Variants in LRP12 observed in about 807,000 individuals in gnomAD.
LRP12 encodes the protein low-density lipoprotein receptor-related protein 12.
LRP12 carries 14 observed loss-of-function variants against 66.0 expected under a neutral mutation model. That is an observed-to-expected ratio of 0.21 (90% confidence interval 0.14 to 0.33). The LOEUF is 0.33. Among genes scored for constraint, LRP12 ranks in the 10% least tolerant of loss-of-function variants. LRP12 has a pLI of 1.00. For missense variants in LRP12, 889 were observed against 1,053.4 expected, an observed-to-expected ratio of 0.84 and a Z score of 2.16; for synonymous variants, 357 against 359.1, an observed-to-expected ratio of 0.99 and a Z score of 0.07.
In LRP12 at chr8:104,576,368, G is replaced by GA. The variant is rs1366604033; in HGVS notation, c.79+12450dup. Among the ~76,000 whole-genome samples, 12 of 152,126 alleles carry GA rather than the reference G, an allele frequency of 7.9e-5. No individual in the cohort carries two copies. The East Asian group carries it at 2.3e-3, about 29-fold the overall frequency. ...AAAAAATATTAAAGGTAGCTAGAGA[G>GA]AAAAAGCAGGTCACCTACAAAGGGA... On this transcript the variant is annotated intron_variant, in intron 1 of 6. Transcript: ENST00000276654.
intron 5 of LRP12, chr8:104,495,412 G>A: frequency 2.1e-6 from 1 of 485,992 alleles, no homozygotes; most frequent in Non-Finnish European, 3.6e-6. Context: ...GTCTTCATAG[G>A]GCTTTATGCT....
intron 2 of LRP12, among the ~76,000 whole-genome samples, chr8:104,517,314 A>G (rs966852446): frequency 3.3e-5 from 5 of 151,700 alleles, no homozygotes; most frequent in African/African-American, 1.2e-4. Flanking sequence ...CCTATATTAT[A>G]CAAGTATAGA....
intron 1 of LRP12, among the ~76,000 whole-genome samples, chr8:104,587,399 A>G (rs372116186): frequency 6.6e-6 from 1 of 152,180 alleles, no homozygotes; most frequent in Non-Finnish European, 1.5e-5. Context: ...CAGGGATTAC[A>G]GCCACTTGAT....
At chr8:104,521,471 A>G (rs1270120772) in intron 2 of LRP12, among the ~76,000 whole-genome samples, 2 of 151,468 alleles carry the variant, frequency 1.3e-5, no homozygotes, top group Non-Finnish European at 3.0e-5. Flanking sequence ...AGTATATAAT[A>G]TAGAAATAAT....
chr8:104,574,942 C>T (rs1588510336), intron 1 of LRP12, among the ~76,000 whole-genome samples: 2 of 152,040 alleles, frequency 1.3e-5, no homozygotes, highest in African/African-American at 2.4e-5. Context: ...GGAAGACTCC[C>T]CAAAGGAGGC....
At chr8:104,559,764 G>A (rs1340029496) in intron 1 of LRP12, among the ~76,000 whole-genome samples, 3 of 151,608 alleles carry the variant, frequency 2.0e-5, no homozygotes, top group East Asian at 1.9e-4. Flanking sequence ...CATAATTCTT[G>A]TTAATCATAC....
At chr8:104,564,071 A>G (rs1298945911) in intron 1 of LRP12, among the ~76,000 whole-genome samples, 2 of 152,168 alleles carry the variant, frequency 1.3e-5, no homozygotes, top group Non-Finnish European at 2.9e-5. Flanking sequence ...TTCAGATACT[A>G]TACTATATTG....
chr8:104,532,373 T>TA lies in LRP12; in HGVS notation c.80-411dup, dbSNP rs34023849. The stretch of plus-strand genomic sequence containing the variant: ...TGTCAGGGCCACATATGTTGGTACT[T>TA]AAAAAAAAAAAAAAAAAGTCTTGCA... On this transcript the variant is annotated intron_variant, in intron 1 of 6. Transcript: ENST00000276654. 6.4e-3 allele frequency among the ~76,000 whole-genome samples: 838 copies of TA among 131,100 alleles called. 7 individuals carry two copies. Among genetic ancestry groups the TA allele is most frequent in the African/African-American group, 0.018 (659 of 35,804 alleles). The allele number at this position is 131,100 out of a possible 152,430, so 86.0% of individuals were successfully genotyped here. A position where few individuals can be genotyped will look rare whatever the true frequency, so the allele number is the denominator to read the frequency against.
chr8:104,497,660 T>A lies in LRP12; in HGVS notation c.892A>T (p.Ile298Phe). Residue 298 changes from isoleucine to phenylalanine, a missense_variant, in exon 5 of 7, where the codon ATT becomes TTT. Around this residue, in one of 3 missense-constraint regions of LRP12, gnomAD observed 800 missense variants for 964.5 expected, o/e 0.83. Transcript: ENST00000276654. The surrounding 1 kb of genome is among the most constrained non-coding windows in gnomAD (Gnocchi z 4.3). ...LIDTGDHRKVILRFTDFKLDG... is the reference protein window; with the variant it reads ...LIDTGDHRKVFLRFTDFKLDG... ...AGTTTAAAGTCAGTGAAGCGTAAAA[T>A]GACTTTACGGTGATCACCAGTGTCT... The A allele has an allele frequency of 6.2e-7, 1 of 1,614,170 alleles. No homozygotes were observed. The highest frequency in any genetic ancestry group is 8.5e-7 in the Non-Finnish European group (1 of 1,180,032).
chr8:104,558,746 A>T (rs2140885701), intron 1 of LRP12, among the ~76,000 whole-genome samples: 1 of 151,802 alleles, frequency 6.6e-6, no homozygotes, highest in African/African-American at 2.4e-5. Flanking sequence ...CAAGGAACTC[A>T]GAGCAGTAAG....
chr8:104,537,394 G>GT (rs1371478829), intron 1 of LRP12, among the ~76,000 whole-genome samples: 2 of 152,216 alleles, frequency 1.3e-5, no homozygotes, highest in African/African-American at 4.8e-5. Context: ...CATGTGTAAG[G>GT]TGACACCATA....
At chr8:104,537,491 A>G (rs2140867564) in intron 1 of LRP12, among the ~76,000 whole-genome samples, 1 of 152,246 alleles carries the variant, frequency 6.6e-6, no homozygotes, top group South Asian at 2.1e-4. Flanking sequence ...CTGACCAGCA[A>G]GAGAGAGCTC....
intron 1 of LRP12, among the ~76,000 whole-genome samples, chr8:104,571,010 C>T (rs758718677): frequency 1.3e-5 from 2 of 152,110 alleles, no homozygotes; most frequent in South Asian, 4.1e-4. Context: ...GCAAACCAGA[C>T]GAGCTACCAC....
chr8:104,550,831 G>A (rs1811714369), intron 1 of LRP12, among the ~76,000 whole-genome samples: 1 of 152,138 alleles, frequency 6.6e-6, no homozygotes, highest in South Asian at 2.1e-4. Context: ...AAATGAATTA[G>A]CTTGCAAACT....
chr8:104,574,536 AC>A (rs1812132140), intron 1 of LRP12, among the ~76,000 whole-genome samples: 1 of 152,112 alleles, frequency 6.6e-6, no homozygotes, highest in Non-Finnish European at 1.5e-5. Flanking sequence ...CACATTATAT[AC>A]CTGTTGAGTT....
chr8:104,548,628 T>TATTATATAATTAAATTAATTATATAATA (rs1811676024), intron 1 of LRP12, among the ~76,000 whole-genome samples: 1 of 114,526 alleles, frequency 8.7e-6, no homozygotes, highest in Non-Finnish European at 1.7e-5. Flanking sequence ...ATTATATAAT[T>TATTATATAATTAAATTAATTATATAATA]ATTATATAAT....
intron 1 of LRP12, among the ~76,000 whole-genome samples, chr8:104,558,756 GA>G (rs373812757): frequency 0.039 from 5,398 of 137,776 alleles, 310 homozygotes; most frequent in African/African-American, 0.13. Context: ...AGAGCAGTAA[GA>G]AAAAAAAAAA....
chr8:104,524,348 T>C lies in LRP12; in HGVS notation c.136+7559A>G, dbSNP rs149015026. Among the ~76,000 whole-genome samples, 107 of 152,288 alleles carry C rather than the reference T, an allele frequency of 7.0e-4. 1 individual carries two copies. Among genetic ancestry groups the C allele is most frequent in the African/African-American group, 2.3e-3 (96 of 41,562 alleles). Reference sequence around the variant, plus strand: ...AAGATTTCCAGTCAACAGCATGCTATTGAGTACTTAAACTTTTGGAGAATC... The same window carrying C: ...AAGATTTCCAGTCAACAGCATGCTACTGAGTACTTAAACTTTTGGAGAATC... On this transcript the variant is annotated intron_variant, in intron 2 of 6. Transcript: ENST00000276654.
At chr8:104,513,090 C>T (rs183416859) in intron 2 of LRP12, among the ~76,000 whole-genome samples, 117 of 152,252 alleles carry the variant, frequency 7.7e-4, no homozygotes, top group Non-Finnish European at 1.2e-3. Context: ...ATGTACAACA[C>T]ACTGAGTATG....
Sources: gnomAD v4.1 joint callset for allele counts (sites outside exome capture counted in the v4.1 genomes callset) on GRCh38, gnomAD v4.1.1 for gene constraint, gnomAD v4.1.1 regional missense constraint, Gnocchi (gnomAD v3.1) non-coding constraint, MANE v1.5 for transcripts, NCBI Gene and HGNC (gene_info 2026-07-23, HGNC 2026-07-21) for gene names.